ACTN2: variants seen among roughly 807,000 people sequenced by gnomAD.
The protein encoded by ACTN2 is alpha-actinin-2.
In ACTN2, 39 loss-of-function variants were observed where a neutral mutation model predicts 113.8. The observed-to-expected ratio is 0.34, with a 90% confidence interval of 0.27 to 0.45. The LOEUF (loss-of-function observed/expected upper bound fraction) is 0.45, where lower values mean the gene tolerates loss of function less well. Among genes scored for constraint, ACTN2 ranks in the 20% least tolerant of loss-of-function variants. The probability of loss-of-function intolerance (pLI) is 1.00; values close to 1 mark genes in which losing one functional copy is unlikely to be tolerated. For missense variants in ACTN2, 992 were observed against 1,177.9 expected, an observed-to-expected ratio of 0.84 and a Z score of 2.31; for synonymous variants, 429 against 444.1, an observed-to-expected ratio of 0.97 and a Z score of 0.43.
chr1:236,739,038 T>A (rs557241744), intron 9 of ACTN2, among the ~76,000 whole-genome samples: 1 of 152,302 alleles, frequency 6.6e-6, no homozygotes, highest in African/African-American at 2.4e-5. Context: ...CTGAGTTTCT[T>A]GTAAACGTCA....
intron 1 of ACTN2, among the ~76,000 whole-genome samples, chr1:236,716,756 A>G (rs897693631): frequency 3.3e-5 from 5 of 151,624 alleles, no homozygotes; most frequent in African/African-American, 1.2e-4. Context: ...CTAGGTTATC[A>G]CTGGTTATGG....
At chr1:236,758,303 A>ATTTTTTTTTTTTTTTTT (rs1349813845) in intron 18 of ACTN2, among the ~76,000 whole-genome samples, 1 of 135,914 alleles carries the variant, frequency 7.4e-6, no homozygotes, top group African/African-American at 3.2e-5. Flanking sequence ...TTTTTTTTTA[A>ATTTTTTTTTTTTTTTTT]TGAGACGGAG....
intron 9 of ACTN2, among the ~76,000 whole-genome samples, chr1:236,738,074 G>A (rs899285540): frequency 1.3e-5 from 2 of 152,180 alleles, no homozygotes; most frequent in African/African-American, 4.8e-5. Flanking sequence ...CAGTGGGGCA[G>A]TCCTGGCGCA....
intron 1 of ACTN2, among the ~76,000 whole-genome samples, chr1:236,707,108 A>G (rs766700986): frequency 9.2e-5 from 14 of 152,224 alleles, no homozygotes; most frequent in Non-Finnish European, 1.8e-4. Context: ...CATTATTTTA[A>G]TTGTCCCTTA....
intron 7 of ACTN2, 21 bp from the exon 8 acceptor site, chr1:236,735,614 T>G (rs1205789291): frequency 6.9e-6 from 11 of 1,602,850 alleles, no homozygotes; most frequent in Non-Finnish European, 9.4e-6. Flanking sequence ...GCGCGTCCTG[T>G]GTTATTTTCT....
At chr1:236,702,081 C>T (rs1364637078) in intron 1 of ACTN2, among the ~76,000 whole-genome samples, 1 of 152,110 alleles carries the variant, frequency 6.6e-6, no homozygotes, top group Non-Finnish European at 1.5e-5. Flanking sequence ...GTACCCTTTC[C>T]AGTAGGATTT....
At chr1:236,693,177 G>GCACACACACACACACACA (rs35891713) in intron 1 of ACTN2, among the ~76,000 whole-genome samples, 1 of 149,038 alleles carries the variant, frequency 6.7e-6, no homozygotes, top group African/African-American at 2.5e-5. Flanking sequence ...CTGCACACAT[G>GCACACACACACACACACA]CACACACACA....
intron 4 of ACTN2, among the ~76,000 whole-genome samples, chr1:236,723,444 A>C (rs1658458696): frequency 6.6e-6 from 1 of 152,044 alleles, no homozygotes; most frequent in Non-Finnish European, 1.5e-5. Flanking sequence ...ACTAAAATGG[A>C]CAGTTTTTTG....
At chr1:236,751,267 T>G (rs1659386787) in intron 14 of ACTN2, among the ~76,000 whole-genome samples, 1 of 152,170 alleles carries the variant, frequency 6.6e-6, no homozygotes, top group African/African-American at 2.4e-5. Flanking sequence ...TTATTAATAG[T>G]CATCATGACA....
At chr1:236,720,290 T>C in intron 4 of ACTN2, 99 bp downstream of exon 4, 1 of 963,702 alleles carries the variant, frequency 1.0e-6, no homozygotes, top group Middle Eastern at 2.4e-4. Flanking sequence ...GTCACTTACA[T>C]GATTGAATGA....
chr1:236,760,311 C>A (rs1431630323), intron 19 of ACTN2, among the ~76,000 whole-genome samples: 1 of 150,548 alleles, frequency 6.6e-6, no homozygotes, highest in East Asian at 1.9e-4. Context: ...ATTATTTTTT[C>A]TAGTGAAGGA....
At chr1:236,689,896 G>A (rs528000073) in intron 1 of ACTN2, among the ~76,000 whole-genome samples, 1 of 152,310 alleles carries the variant, frequency 6.6e-6, no homozygotes, top group South Asian at 2.1e-4. Context: ...CAGCAATGCT[G>A]AATATGTTTG....
chr1:236,711,111 G>T (rs1276994418), intron 1 of ACTN2, among the ~76,000 whole-genome samples: 1 of 152,214 alleles, frequency 6.6e-6, no homozygotes, highest in Non-Finnish European at 1.5e-5. Context: ...TCCAGGGAAG[G>T]CCTGTATAGC....
intron 4 of ACTN2, among the ~76,000 whole-genome samples, chr1:236,725,686 G>C (rs1355113843): frequency 6.6e-6 from 1 of 152,120 alleles, no homozygotes; most frequent in Non-Finnish European, 1.5e-5. Context: ...CCACCCTGAA[G>C]TCTAGTTTTA....
At chr1:236,697,288 T>C (rs1657535126) in intron 1 of ACTN2, among the ~76,000 whole-genome samples, 1 of 152,166 alleles carries the variant, frequency 6.6e-6, no homozygotes, top group Non-Finnish European at 1.5e-5. Flanking sequence ...ATTACATCAT[T>C]GTATTCCAGC....
At chr1:236,718,401 A>G (rs1263924690) in intron 2 of ACTN2, among the ~76,000 whole-genome samples, 3 of 152,200 alleles carry the variant, frequency 2.0e-5, no homozygotes, top group Non-Finnish European at 4.4e-5. Context: ...CAGTTGGCTG[A>G]TTTAGACTTT....
chr1:236,754,220 C>T lies in ACTN2; in HGVS notation c.1974+139C>T. ...GAGCACCGTTCTGTTATCACCCCGG[C>T]TTTATCTTTCAGCCCCTGGCTGTTG... On this transcript the variant is annotated intron_variant, in intron 16 of 20. Transcript: ENST00000366578. This position sits in a 1 kb window ranked among gnomAD's most constrained non-coding sequence, Gnocchi z 4.9. 8.5e-7 allele frequency: 1 copy of T among 1,172,628 alleles called. No individual in the cohort carries two copies. Among genetic ancestry groups the T allele is most frequent in the Non-Finnish European group, 1.2e-6 (1 of 812,934 alleles). The allele number at this position is 1,172,628 out of a possible 1,614,324, so 72.6% of individuals were successfully genotyped here. A position where few individuals can be genotyped will look rare whatever the true frequency, so the allele number is the denominator to read the frequency against.
chr1:236,709,220 G>GTATA (rs758619189), intron 1 of ACTN2, among the ~76,000 whole-genome samples: 2,095 of 66,594 alleles, frequency 0.031, 59 homozygotes, highest in South Asian at 0.039. Context: ...ACAAATGACT[G>GTATA]TATATATATA....
chr1:236,689,080 A>T (rs75166941), intron 1 of ACTN2, among the ~76,000 whole-genome samples: 7,714 of 152,176 alleles, frequency 0.051, 271 homozygotes, highest in Admixed American at 0.11. Flanking sequence ...AAGTGTAATG[A>T]GTTTTATAAG....
Sources: allele counts gnomAD v4.1 joint callset (sites outside exome capture counted in the v4.1 genomes callset), GRCh38; gene constraint gnomAD v4.1.1; non-coding constraint Gnocchi (gnomAD v3.1); transcripts MANE v1.5; gene names NCBI Gene and HGNC (gene_info 2026-07-23, HGNC 2026-07-21).